The following PDX1 variants were observed in gnomAD, a reference collection of about 807,000 sequenced individuals.
PDX1 encodes pancreas/duodenum homeobox protein 1.
In PDX1, 7 loss-of-function variants were observed where a neutral mutation model predicts 11.1. The ratio of observed to expected loss-of-function variants is 0.63; its 90% CI spans 0.36 to 1.19. The LOEUF is 1.19. PDX1 is among the 50% of genes most tolerant of loss of function. The probability of loss-of-function intolerance (pLI) is 0.02; values close to 1 mark genes in which losing one functional copy is unlikely to be tolerated. For synonymous variants in PDX1, 232 were observed against 196.2 expected, an observed-to-expected ratio of 1.18 and a Z score of -1.53; for missense variants, 449 against 412.1, an observed-to-expected ratio of 1.09 and a Z score of -0.78.
rs1156244881 is a variant in PDX1 at position 27,925,978 on chromosome 13, G to T, written c.*1277G>T. ...GAAGACAAGCACAGTGGCCTGGTGCGCCTTGGAAACCAACAACTATTCACG... is the reference window on the plus strand; with the variant it reads ...GAAGACAAGCACAGTGGCCTGGTGCTCCTTGGAAACCAACAACTATTCACG... On this transcript the variant is annotated 3_prime_UTR_variant, in exon 2 of 2. Transcript: ENST00000381033. 1.3e-5 allele frequency: 2 copies of T among 152,204 alleles called. No homozygotes were observed. The highest frequency in any genetic ancestry group is 1.9e-4 in the East Asian group (1 of 5,188). 9.4% of individuals were successfully genotyped at this position (152,204 alleles called of 1,614,324 possible). A position where few individuals can be genotyped will look rare whatever the true frequency, so the allele number is the denominator to read the frequency against.
At position 27,924,499 on chromosome 13, in the gene PDX1, G is replaced by C. The variant is rs1957810824; in HGVS notation, c.650G>C (p.Gly217Ala). The change falls in exon 2 of 2, where the codon GGT becomes GCT. Residue 217 changes from glycine (G) to alanine (A), a missense_variant. Transcript: ENST00000381033. This position sits in a 1 kb window ranked among gnomAD's most constrained non-coding sequence, Gnocchi z 4.8. Reference sequence around the variant, plus strand: ...CGCGGCGGCGGGACAGCTGTCGGGGGTGGCGGGGTCGCGGAGCCTGAGCAG... The same window carrying C: ...CGCGGCGGCGGGACAGCTGTCGGGGCTGGCGGGGTCGCGGAGCCTGAGCAG... ...KKRGGGTAVG[G>A]GGVAEPEQDC... 1 of 1,611,898 alleles carries C rather than the reference G, an allele frequency of 6.2e-7. No homozygotes were observed. Among genetic ancestry groups the C allele is most frequent in the African/African-American group, 1.3e-5 (1 of 74,856 alleles).
At position 27,924,171 on chromosome 13, in the gene PDX1, T is replaced by G. The variant is rs924178949; in HGVS notation, c.407-85T>G. 3.0e-5 allele frequency: 37 copies of G among 1,226,656 alleles called. No individual in the cohort carries two copies. The highest frequency in any genetic ancestry group is 3.8e-5 in the Non-Finnish European group (34 of 905,308). The allele number at this position is 1,226,656 out of a possible 1,614,324, so 76.0% of individuals were successfully genotyped here. A position where few individuals can be genotyped will look rare whatever the true frequency, so the allele number is the denominator to read the frequency against. On this transcript the variant is annotated intron_variant, in intron 1 of 1. Transcript: ENST00000381033. The surrounding 1 kb of genome is among the most constrained non-coding windows in gnomAD (Gnocchi z 4.8). ...AGCAGCTGGTAGGGCTAGGGCTCCC[T>G]GGCCCCCCTTGAAGGGGTTGGGCTG...
Position 27,924,151 on chromosome 13 carries a change from C to T in PDX1, c.407-105C>T. On this transcript the variant is annotated intron_variant, in intron 1 of 1. Transcript: ENST00000381033. The surrounding 1 kb of genome is among the most constrained non-coding windows in gnomAD (Gnocchi z 4.8). Reference sequence around the variant, plus strand: ...GGCTTGGTGGCTCCGGCGGGAGCAGCTGGTAGGGCTAGGGCTCCCTGGCCC... The same window carrying T: ...GGCTTGGTGGCTCCGGCGGGAGCAGTTGGTAGGGCTAGGGCTCCCTGGCCC... 1.0e-6 allele frequency: 1 copy of T among 982,528 alleles called. No individual in the cohort carries two copies. Among genetic ancestry groups the T allele is most frequent in the South Asian group, 1.9e-5 (1 of 53,724 alleles). The allele number at this position is 982,528 out of a possible 1,614,324, so 60.9% of individuals were successfully genotyped here.
In PDX1 at chr13:27,920,025, G is replaced by C. The variant is rs1957768911; in HGVS notation, c.-114G>C. On this transcript the variant is annotated 5_prime_UTR_variant, in exon 1 of 2. Transcript: ENST00000381033. ...GAGATCAGTGCGGAGCTGTCAAAGC[G>C]AGCAGGGGTGGCGCCGGGAGTGGGA... 4.5e-6 allele frequency: 6 copies of C among 1,334,046 alleles called. No homozygotes were observed. In the East Asian group the frequency reaches 7.7e-5, roughly 17 times the overall value. The allele number at this position is 1,334,046 out of a possible 1,614,324, so 82.6% of individuals were successfully genotyped here.
At position 27,924,755 on chromosome 13, in the gene PDX1, A is replaced by G. The variant is rs887273572; in HGVS notation, c.*54A>G. ...CTTCAACCACTCGCCGAGGAGGAGCAGAGGGCCTAGGAGGACCCCGGGCGT... is the reference window on the plus strand; with the variant it reads ...CTTCAACCACTCGCCGAGGAGGAGCGGAGGGCCTAGGAGGACCCCGGGCGT... On this transcript the variant is annotated 3_prime_UTR_variant, in exon 2 of 2. Coordinates refer to ENST00000381033, the MANE Select transcript of PDX1 (RefSeq NM_000209.4). This position sits in a 1 kb window ranked among gnomAD's most constrained non-coding sequence, Gnocchi z 4.8. 16 of 1,373,500 alleles carry G rather than the reference A, an allele frequency of 1.2e-5. No homozygotes were observed. In the East Asian group the frequency reaches 4.6e-4, roughly 39 times the overall value. 85.1% of individuals were successfully genotyped at this position (1,373,500 alleles called of 1,614,324 possible). A position where few individuals can be genotyped will look rare whatever the true frequency, so the allele number is the denominator to read the frequency against.
rs1957768888 is a variant in PDX1, at chr13:27,920,024, C to G, written c.-115C>G. The G allele has an allele frequency of 1.1e-5, 15 of 1,325,146 alleles. No homozygotes were observed. Among genetic ancestry groups the G allele is most frequent in the African/African-American group, 1.5e-5 (1 of 67,498 alleles). 82.1% of individuals were successfully genotyped at this position (1,325,146 alleles called of 1,614,324 possible). ...TGAGATCAGTGCGGAGCTGTCAAAGCGAGCAGGGGTGGCGCCGGGAGTGGG... is the reference window on the plus strand; with the variant it reads ...TGAGATCAGTGCGGAGCTGTCAAAGGGAGCAGGGGTGGCGCCGGGAGTGGG... On this transcript the variant is annotated 5_prime_UTR_variant, in exon 1 of 2. Transcript: ENST00000381033.
At chr13:27,921,289 G>A (rs1957784886) in intron 1 of PDX1, among the ~76,000 whole-genome samples, 1 of 152,246 alleles carries the variant, frequency 6.6e-6, no homozygotes, top group Admixed American at 6.5e-5. Flanking sequence ...TTCCCAGGAA[G>A]TAATTTTTCA....
chr13:27,921,330 G>A (rs776985489), intron 1 of PDX1, among the ~76,000 whole-genome samples: 8 of 152,228 alleles, frequency 5.3e-5, no homozygotes, highest in Non-Finnish European at 1.0e-4. Flanking sequence ...TAGCTGGTGG[G>A]GAGGCGAGAG....
Position 27,925,895 on chromosome 13 carries a change from T to C in PDX1, c.*1194T>C, listed in dbSNP as rs1054945680. ...TGGGTGACCACTAAACCAAAGATAT[T>C]CGGAACTTTCTATTTAGGATGTGGA... On this transcript the variant is annotated 3_prime_UTR_variant, in exon 2 of 2. Coordinates refer to ENST00000381033, the MANE Select transcript of PDX1 (RefSeq NM_000209.4). 1.3e-5 allele frequency: 2 copies of C among 152,282 alleles called. No homozygotes were observed. Among genetic ancestry groups the C allele is most frequent in the Non-Finnish European group, 2.9e-5 (2 of 68,170 alleles). 9.4% of individuals were successfully genotyped at this position (152,282 alleles called of 1,614,324 possible). A position where few individuals can be genotyped will look rare whatever the true frequency, so the allele number is the denominator to read the frequency against.
In PDX1 at chr13:27,924,636, C is replaced by G; in HGVS notation, c.787C>G (p.Pro263Ala). The part of the protein sequence containing the change: ...PVAAREGRLP[P>A]GLSASPQPSS... Reference sequence around the variant, plus strand: ...TGCCGCCCGAGAGGGCCGCCTGCCGCCTGGCCTTAGCGCGTCGCCACAGCC... The same window carrying G: ...TGCCGCCCGAGAGGGCCGCCTGCCGGCTGGCCTTAGCGCGTCGCCACAGCC... Residue 263 changes from proline to alanine, a missense_variant, in exon 2 of 2, where the codon CCT becomes GCT. Pro to Ala is a conservative substitution (Grantham distance 27, BLOSUM62 -1). Coordinates refer to ENST00000381033, the MANE Select transcript of PDX1 (RefSeq NM_000209.4). This position sits in a 1 kb window ranked among gnomAD's most constrained non-coding sequence, Gnocchi z 4.8. The G allele has an allele frequency of 6.8e-7, 1 of 1,479,488 alleles. No homozygotes were observed. The highest frequency in any genetic ancestry group is 1.3e-5 in the South Asian group (1 of 77,040). The allele number at this position is 1,479,488 out of a possible 1,614,324, so 91.6% of individuals were successfully genotyped here.
rs939854346 is a variant in PDX1, at chr13:27,920,639, C to T, written c.406+95C>T. The T allele has an allele frequency of 5.2e-6, 7 of 1,338,844 alleles. No individual in the cohort carries two copies. In the East Asian group the frequency reaches 1.6e-4, roughly 31 times the overall value. 82.9% of individuals were successfully genotyped at this position (1,338,844 alleles called of 1,614,324 possible). ...AGGAGCCTTCTCTCTGTTCCCGGCG[C>T]CTTGGATTATCCCGGGTCGGACTAA... On this transcript the variant is annotated intron_variant, in intron 1 of 1. Transcript: ENST00000381033.
chr13:27,921,255 A>G (rs1469898732), intron 1 of PDX1, among the ~76,000 whole-genome samples: 1 of 152,220 alleles, frequency 6.6e-6, no homozygotes, highest in African/African-American at 2.4e-5. Flanking sequence ...ACCGAAAGCA[A>G]TTGAAGCTGT....
intron 1 of PDX1, among the ~76,000 whole-genome samples, chr13:27,922,076 C>A (rs1410850266): frequency 6.6e-6 from 1 of 152,196 alleles, no homozygotes; most frequent in Non-Finnish European, 1.5e-5. Flanking sequence ...CCACCCTGGG[C>A]CTTCCTCAGG....
At position 27,924,338 on chromosome 13, in the gene PDX1, G is replaced by A. The variant is rs754210302; in HGVS notation, c.489G>A (p.Lys163=). The A allele has an allele frequency of 3.1e-6, 5 of 1,612,450 alleles. No homozygotes were observed. The highest frequency in any genetic ancestry group is 2.2e-5 in the South Asian group (2 of 91,008). The part of the protein sequence containing the change: ...YTRAQLLELE[K]EFLFNKYISR... ...GCGCACAGCTGCTAGAGCTGGAGAAGGAGTTCCTATTCAACAAGTACATCT... is the reference window on the plus strand; with the variant it reads ...GCGCACAGCTGCTAGAGCTGGAGAAAGAGTTCCTATTCAACAAGTACATCT... Residue 163 remains lysine, a synonymous_variant, in exon 2 of 2, where the codon AAG becomes AAA. Transcript: ENST00000381033. The surrounding 1 kb of genome is among the most constrained non-coding windows in gnomAD (Gnocchi z 4.8).
intron 1 of PDX1, among the ~76,000 whole-genome samples, chr13:27,922,461 C>A (rs1204463998): frequency 1.3e-5 from 2 of 152,214 alleles, no homozygotes; most frequent in African/African-American, 4.8e-5. Flanking sequence ...ACCCACCTGC[C>A]CCTGGGAAGA....
In PDX1 at chr13:27,924,662, C is replaced by G; in HGVS notation, c.813C>G (p.Pro271=). The G allele has an allele frequency of 6.8e-7, 1 of 1,473,922 alleles. No individual in the cohort carries two copies. The highest frequency in any genetic ancestry group is 8.9e-7 in the Non-Finnish European group (1 of 1,118,080). 91.3% of individuals were successfully genotyped at this position (1,473,922 alleles called of 1,614,324 possible). A position where few individuals can be genotyped will look rare whatever the true frequency, so the allele number is the denominator to read the frequency against. The change falls in exon 2 of 2, where the codon CCC becomes CCG. Residue 271 remains proline (P), a synonymous_variant. Transcript: ENST00000381033. The surrounding 1 kb of genome is among the most constrained non-coding windows in gnomAD (Gnocchi z 4.8). The part of the protein sequence containing the change: ...LPPGLSASPQ[P]SSVAPRRPQE... ...CTGGCCTTAGCGCGTCGCCACAGCC[C>G]TCCAGCGTCGCGCCTCGGCGGCCGC...
At position 27,924,946 on chromosome 13, in the gene PDX1, C is replaced by A. The variant is rs1024989873; in HGVS notation, c.*245C>A. 2 of 427,106 alleles carry A rather than the reference C, an allele frequency of 4.7e-6. No homozygotes were observed. Among genetic ancestry groups the A allele is most frequent in the South Asian group, 1.3e-4 (2 of 15,294 alleles). The allele number at this position is 427,106 out of a possible 1,614,324, so 26.5% of individuals were successfully genotyped here. A position where few individuals can be genotyped will look rare whatever the true frequency, so the allele number is the denominator to read the frequency against. On this transcript the variant is annotated 3_prime_UTR_variant, in exon 2 of 2. Transcript: ENST00000381033. This position sits in a 1 kb window ranked among gnomAD's most constrained non-coding sequence, Gnocchi z 4.8. ...GCCATTGGTTTTTGTAGTATTGGGG[C>A]CCTCTTTTAGTGATACTGGATTGGC...
intron 1 of PDX1, among the ~76,000 whole-genome samples, chr13:27,923,663 C>T (rs1463308944): frequency 1.3e-5 from 2 of 152,186 alleles, no homozygotes; most frequent in Non-Finnish European, 2.9e-5. Flanking sequence ...AATCAATTTA[C>T]TAGGTTGAGA....
At position 27,924,138 on chromosome 13, in the gene PDX1, C is replaced by G. The variant is rs895981317; in HGVS notation, c.407-118C>G. 9 of 857,498 alleles carry G rather than the reference C, an allele frequency of 1.0e-5. No homozygotes were observed. The African/African-American group carries it at 1.4e-4, about 13-fold the overall frequency. 53.1% of individuals were successfully genotyped at this position (857,498 alleles called of 1,614,324 possible). ...AATGGGATGCTGGGGCTTGGTGGCT[C>G]CGGCGGGAGCAGCTGGTAGGGCTAG... On this transcript the variant is annotated intron_variant, in intron 1 of 1. Transcript: ENST00000381033. This position sits in a 1 kb window ranked among gnomAD's most constrained non-coding sequence, Gnocchi z 4.8.
Sources: gnomAD v4.1 joint callset for allele counts (sites outside exome capture counted in the v4.1 genomes callset) on GRCh38, gnomAD v4.1.1 for gene constraint, Gnocchi (gnomAD v3.1) non-coding constraint, MANE v1.5 for transcripts, NCBI Gene and HGNC (gene_info 2026-07-23, HGNC 2026-07-21) for gene names.